Variants in CADPS2 observed in about 807,000 individuals in gnomAD.
The protein encoded by CADPS2 is calcium-dependent secretion activator 2.
In CADPS2, 93 loss-of-function variants were observed where a neutral mutation model predicts 172.5. The observed-to-expected ratio is 0.54, with a 90% confidence interval of 0.46 to 0.64. The LOEUF is 0.64. Among genes scored for constraint, CADPS2 ranks in the 30% least tolerant of loss-of-function variants. CADPS2 has a pLI of 0.00. For synonymous variants in CADPS2, 546 were observed against 555.2 expected (o/e 0.98, Z 0.23); for missense variants, 1,420 against 1,565.9 (o/e 0.91, Z 1.57).
At chr7:122,453,849 G>A (rs73431563) in intron 14 of CADPS2, among the ~76,000 whole-genome samples, 2,589 of 152,230 alleles carry the variant, frequency 0.017, 38 homozygotes, top group East Asian at 0.038. Context: ...GGGGAAGCTC[G>A]CTTGTGTCAA....
intron 1 of CADPS2, among the ~76,000 whole-genome samples, chr7:122,871,463 T>TC (rs1467963149): frequency 4.7e-5 from 7 of 149,412 alleles, no homozygotes; most frequent in Middle Eastern, 3.4e-3. Context: ...TATACAGTAT[T>TC]CCCCCCCACA....
intron 19 of CADPS2, among the ~76,000 whole-genome samples, chr7:122,410,768 A>C (rs2047207768): frequency 6.6e-6 from 1 of 152,254 alleles, no homozygotes; most frequent in African/African-American, 2.4e-5. Flanking sequence ...ATGTGTTGAA[A>C]TTCATATAAA....
At chr7:122,591,273 T>C (rs1460552588) in intron 6 of CADPS2, among the ~76,000 whole-genome samples, 2 of 152,046 alleles carry the variant, frequency 1.3e-5, no homozygotes, top group Non-Finnish European at 2.9e-5. Context: ...GGAATCCAAC[T>C]TATAAGGAAT....
intron 9 of CADPS2, among the ~76,000 whole-genome samples, chr7:122,510,711 T>C (rs1299675014): frequency 6.6e-6 from 1 of 152,166 alleles, no homozygotes; most frequent in African/African-American, 2.4e-5. Flanking sequence ...CACCTTTCAA[T>C]AATGCAGCCT....
chr7:122,723,436 A>C (rs533140470), intron 2 of CADPS2, among the ~76,000 whole-genome samples: 2 of 152,344 alleles, frequency 1.3e-5, no homozygotes, highest in South Asian at 4.1e-4. Context: ...AATGCTCATC[A>C]TCACAGGCCA....
intron 2 of CADPS2, among the ~76,000 whole-genome samples, chr7:122,731,739 C>T (rs1396387739): frequency 6.6e-6 from 1 of 151,500 alleles, no homozygotes; most frequent in Non-Finnish European, 1.5e-5. Context: ...CAATTAGGAA[C>T]CGCAAAATTA....
At chr7:122,564,219 C>G (rs1172133175) in intron 7 of CADPS2, among the ~76,000 whole-genome samples, 2 of 152,094 alleles carry the variant, frequency 1.3e-5, no homozygotes, top group African/African-American at 4.8e-5. Flanking sequence ...TAATGAAAAC[C>G]TTTCCAAGTT....
At chr7:122,620,983 T>C (rs954045601) in intron 5 of CADPS2, among the ~76,000 whole-genome samples, 1 of 152,142 alleles carries the variant, frequency 6.6e-6, no homozygotes. Context: ...CACCATTCCA[T>C]GTACCCTCAA....
At chr7:122,397,172 T>C (rs2045257023) in intron 20 of CADPS2, among the ~76,000 whole-genome samples, 1 of 152,202 alleles carries the variant, frequency 6.6e-6, no homozygotes, top group African/African-American at 2.4e-5. Flanking sequence ...GGATTTTCTC[T>C]GGTCAGTTAT....
At chr7:122,778,835 C>T (rs868157021) in intron 1 of CADPS2, among the ~76,000 whole-genome samples, 27 of 152,144 alleles carry the variant, frequency 1.8e-4, no homozygotes, top group African/African-American at 5.1e-4. Flanking sequence ...TAAAATGTGA[C>T]GACATGAAAC....
chr7:122,664,372 G>A (rs1445717971), intron 2 of CADPS2, among the ~76,000 whole-genome samples: 1 of 152,080 alleles, frequency 6.6e-6, no homozygotes, highest in Non-Finnish European at 1.5e-5. Context: ...GGCTTGGAAA[G>A]CAATACCTCT....
rs144882262 is a variant in CADPS2, at chr7:122,526,485, G to A, written c.1476-13170C>T. ...TGGGAATACAGGCATGAGCCATCCC[G>A]CCTGGTCTTCTTTGATATTTTTATT... On this transcript the variant is annotated intron_variant, in intron 8 of 29. Transcript: ENST00000449022. Among the ~76,000 whole-genome samples the A allele has an allele frequency of 1.3e-4, 20 of 152,102 alleles. No individual in the cohort carries two copies. The East Asian group carries it at 1.7e-3, about 13-fold the overall frequency.
chr7:122,775,421 G>A (rs2093847700), intron 1 of CADPS2, among the ~76,000 whole-genome samples: 1 of 152,138 alleles, frequency 6.6e-6, no homozygotes, highest in African/African-American at 2.4e-5. Context: ...GTAGCCCAGG[G>A]GGATGCTGCA....
chr7:122,698,653 T>C lies in CADPS2; in HGVS notation c.454-35084A>G, dbSNP rs1430231501. On this transcript the variant is annotated intron_variant, in intron 2 of 29. Coordinates refer to ENST00000449022, the MANE Select transcript of CADPS2 (RefSeq NM_017954.11). ...GTACTTTGATCGGCTGAAAATGGTA[T>C]TGGGATTACATGCATTTTGGATTTT... 4.3e-6 allele frequency: 7 copies of C among 1,614,084 alleles called. No individual in the cohort carries two copies. Among genetic ancestry groups the C allele is most frequent in the African/African-American group, 2.7e-5 (2 of 75,038 alleles).
intron 17 of CADPS2, among the ~76,000 whole-genome samples, chr7:122,432,643 TAAA>T (rs57311950): frequency 2.8e-5 from 3 of 108,538 alleles, no homozygotes; most frequent in East Asian, 2.6e-4. Context: ...TCTGTTAAAA[TAAA>T]AAAAAAAAAA....
intron 14 of CADPS2, among the ~76,000 whole-genome samples, chr7:122,463,626 T>C (rs1341630713): frequency 6.6e-6 from 1 of 152,176 alleles, no homozygotes; most frequent in Non-Finnish European, 1.5e-5. Flanking sequence ...TGGCAAGTAG[T>C]GAGTTACACA....
intron 8 of CADPS2, among the ~76,000 whole-genome samples, chr7:122,527,203 C>T (rs1365577646): frequency 1.3e-5 from 2 of 151,982 alleles, no homozygotes; most frequent in Non-Finnish European, 2.9e-5. Context: ...AAGCATGGAG[C>T]AGCTGCTGTG....
chr7:122,428,788 G>A (rs893141221), intron 17 of CADPS2, among the ~76,000 whole-genome samples: 3 of 152,066 alleles, frequency 2.0e-5, no homozygotes, highest in African/African-American at 7.2e-5. Flanking sequence ...TTTTTAAATA[G>A]TATGTGTGAC....
intron 1 of CADPS2, among the ~76,000 whole-genome samples, chr7:122,817,077 C>T (rs896194886): frequency 6.6e-6 from 1 of 151,902 alleles, no homozygotes; most frequent in African/African-American, 2.4e-5. Context: ...CCTTCGCTAA[C>T]TCTCTTTTCA....
Sources: allele counts gnomAD v4.1 joint callset (sites outside exome capture counted in the v4.1 genomes callset), GRCh38; gene constraint gnomAD v4.1.1; transcripts MANE v1.5; gene names NCBI Gene and HGNC (gene_info 2026-07-23, HGNC 2026-07-21).